MS4A14: variants seen among roughly 807,000 people sequenced by gnomAD.
MS4A14 encodes membrane-spanning 4-domains subfamily A member 14.
Under a neutral mutation model 16.7 loss-of-function variants are expected in MS4A14, and 18 were observed. The observed-to-expected ratio is 1.08, with a 90% CI of 0.75 to 1.60. MS4A14 has a LOEUF of 1.60. Among genes scored for constraint, MS4A14 ranks in the 40% most tolerant of loss-of-function variants. MS4A14 has a pLI of 0.00. For missense variants in MS4A14, 812 were observed against 775.3 expected, an observed-to-expected ratio of 1.05 and a Z score of -0.56; for synonymous variants, 305 against 289.4, an observed-to-expected ratio of 1.05 and a Z score of -0.55.
At chr11:60,400,307 G>T (rs2085692978) in intron 2 of MS4A14, 97 bp from the exon 3 acceptor site, 1 of 749,600 alleles carries the variant, frequency 1.3e-6, no homozygotes. Flanking sequence ...TGGTCTTGGA[G>T]ATTCACAAAC....
At chr11:60,404,343 G>A (rs1450450063) in intron 4 of MS4A14, among the ~76,000 whole-genome samples, 2 of 152,156 alleles carry the variant, frequency 1.3e-5, no homozygotes, top group East Asian at 1.9e-4. Flanking sequence ...AGAACAGTGG[G>A]CTTTAGATGT....
chr11:60,410,188 A>G (rs1391579312), intron 4 of MS4A14, among the ~76,000 whole-genome samples: 1 of 152,146 alleles, frequency 6.6e-6, no homozygotes, highest in Non-Finnish European at 1.5e-5. Flanking sequence ...ATGGGTGTGA[A>G]GTGGTATCTC....
chr11:60,397,882 G>A lies in MS4A14; in HGVS notation c.169G>A (p.Val57Met), dbSNP rs1375204775. The A allele has an allele frequency of 1.7e-5, 25 of 1,485,882 alleles. No individual in the cohort carries two copies. The highest frequency in any genetic ancestry group is 2.2e-5 in the Non-Finnish European group (25 of 1,119,414). The allele number at this position is 1,485,882 out of a possible 1,614,324, so 92.0% of individuals were successfully genotyped here. A position where few individuals can be genotyped will look rare whatever the true frequency, so the allele number is the denominator to read the frequency against. ...CCAGATCCTGCTTGCTCTAATCATTGTGGGCTTTGGAACTATATTTGCACT... is the reference window on the plus strand; with the variant it reads ...CCAGATCCTGCTTGCTCTAATCATTATGGGCTTTGGAACTATATTTGCACT... ...ATQILLALII[V>M]GFGTIFALNY... The change falls in exon 2 of 5, where the codon GTG becomes ATG. Residue 57 changes from valine (V) to methionine (M), a missense_variant. Physicochemically the swap from Val to Met is conservative, Grantham distance 21 (BLOSUM62 1). Coordinates refer to ENST00000300187, the MANE Select transcript of MS4A14 (RefSeq NM_032597.5).
intron 4 of MS4A14, among the ~76,000 whole-genome samples, chr11:60,409,284 T>G (rs2085832860): frequency 1.3e-5 from 2 of 152,114 alleles, no homozygotes; most frequent in Non-Finnish European, 2.9e-5. Flanking sequence ...GTCTAGAATT[T>G]TATACCCATT....
Position 60,396,704 on chromosome 11 carries a change from A to G in MS4A14, c.126A>G (p.Pro42=). The G allele has an allele frequency of 2.5e-6, 4 of 1,613,822 alleles. No homozygotes were observed. The highest frequency in any genetic ancestry group is 3.4e-6 in the Non-Finnish European group (4 of 1,179,848). ...SSLLDFLKGE[P]RVLGATQILL... ...TGCTGGATTTTCTGAAGGGAGAGCCAAGAGTCTTGGGGGTAAGTCCTCTCC... is the reference window on the plus strand; with the variant it reads ...TGCTGGATTTTCTGAAGGGAGAGCCGAGAGTCTTGGGGGTAAGTCCTCTCC... The change falls in exon 1 of 5, where the codon CCA becomes CCG. Residue 42 remains proline, a synonymous_variant. Coordinates refer to ENST00000300187, the MANE Select transcript of MS4A14 (RefSeq NM_032597.5).
At chr11:60,411,400 A>G (rs749404454) in intron 4 of MS4A14, among the ~76,000 whole-genome samples, 4 of 152,210 alleles carry the variant, frequency 2.6e-5, no homozygotes, top group Non-Finnish European at 5.9e-5. Context: ...ATACGTGAAC[A>G]CAAGATGTCT....
rs1380433426 is a variant in MS4A14 at position 60,416,233 on chromosome 11, C to T, written c.1265C>T (p.Ser422Phe). 6.2e-7 allele frequency: 1 copy of T among 1,613,996 alleles called. No individual in the cohort carries two copies. The stretch of plus-strand genomic sequence containing the variant: ...GCCATATTACCTGAAGCCTCAACAT[C>T]CCATATTGTGCAGTTCCCTGAAATA... The part of the protein sequence containing the change: ...AHAILPEAST[S>F]HIVQFPEIQH... Residue 422 changes from serine (S) to phenylalanine (F), a missense_variant, in exon 5 of 5, where the codon TCC becomes TTC. Transcript: ENST00000300187.
intron 2 of MS4A14, 191 bp downstream of exon 2, chr11:60,398,171 G>T (rs985675581): frequency 3.8e-5 from 19 of 493,682 alleles, no homozygotes; most frequent in African/African-American, 3.1e-4. Flanking sequence ...ACTACTCTCA[G>T]GTGCTTAAAA....
chr11:60,399,837 C>T (rs77881583), intron 2 of MS4A14, among the ~76,000 whole-genome samples: 2,672 of 152,138 alleles, frequency 0.018, 71 homozygotes, highest in African/African-American at 0.058. Flanking sequence ...CTCTAAGACC[C>T]AGATGTCCCC....
chr11:60,397,923 C>T lies in MS4A14; in HGVS notation c.210C>T (p.Phe70=), dbSNP rs1410594190. 6.2e-7 allele frequency: 1 copy of T among 1,613,556 alleles called. No individual in the cohort carries two copies. The highest frequency in any genetic ancestry group is 8.5e-7 in the Non-Finnish European group (1 of 1,179,576). The change falls in exon 2 of 5, where the codon TTC becomes TTT. Residue 70 remains phenylalanine (F), a synonymous_variant. Transcript: ENST00000300187. The part of the protein sequence containing the change: ...GTIFALNYIG[F]SQRLPLVVLT... The stretch of plus-strand genomic sequence containing the variant: ...TATTTGCACTTAATTACATCGGTTT[C>T]TCCCAAAGACTTCCCCTTGTTGTCC...
rs757710975 is a variant in MS4A14, at chr11:60,415,745, C to T, written c.777C>T (p.Pro259=). ...EPLPPTLEKK[P]SENMSIQLDS... Reference sequence around the variant, plus strand: ...TGCCTCCCACACTAGAGAAAAAGCCCTCAGAAAATATGTCCATTCAGCTAG... The same window carrying T: ...TGCCTCCCACACTAGAGAAAAAGCCTTCAGAAAATATGTCCATTCAGCTAG... The change falls in exon 5 of 5, where the codon CCC becomes CCT. Residue 259 remains proline (P), a synonymous_variant. Coordinates refer to ENST00000300187, the MANE Select transcript of MS4A14 (RefSeq NM_032597.5). 1 of 1,613,814 alleles carries T rather than the reference C, an allele frequency of 6.2e-7. No individual in the cohort carries two copies. Among genetic ancestry groups the T allele is most frequent in the South Asian group, 1.1e-5 (1 of 91,054 alleles).
intron 4 of MS4A14, among the ~76,000 whole-genome samples, chr11:60,407,223 G>A (rs571549371): frequency 1.4e-4 from 22 of 151,838 alleles, no homozygotes; most frequent in African/African-American, 3.6e-4. Context: ...GTTTTGCCAC[G>A]TTGCCCAGGC....
At position 60,416,114 on chromosome 11, in the gene MS4A14, C is replaced by G. The variant is rs1342708075; in HGVS notation, c.1146C>G (p.Ser382=). 2.5e-6 allele frequency: 4 copies of G among 1,609,266 alleles called. No homozygotes were observed. Among genetic ancestry groups the G allele is most frequent in the Non-Finnish European group, 3.4e-6 (4 of 1,177,680 alleles). ...ACATGACATCCCAAGATATGCAATCCCTAGATATGCTATCTCAAGACACAC... is the reference window on the plus strand; with the variant it reads ...ACATGACATCCCAAGATATGCAATCGCTAGATATGCTATCTCAAGACACAC... ...FHDMTSQDMQ[S]LDMLSQDTPS... Residue 382 remains serine, a synonymous_variant, in exon 5 of 5, where the codon TCC becomes TCG. Transcript: ENST00000300187.
chr11:60,403,935 C>T (rs763390359), intron 4 of MS4A14, among the ~76,000 whole-genome samples: 3 of 152,200 alleles, frequency 2.0e-5, no homozygotes, highest in Non-Finnish European at 2.9e-5. Context: ...CACAATCACT[C>T]AGTGAAATGG....
At chr11:60,412,326 AT>A (rs1286790622) in intron 4 of MS4A14, among the ~76,000 whole-genome samples, 2 of 150,854 alleles carry the variant, frequency 1.3e-5, no homozygotes, top group Non-Finnish European at 3.0e-5. Flanking sequence ...TTTTCTTTAA[AT>A]TTTGGTAGAA....
intron 2 of MS4A14, 91 bp downstream of exon 2, chr11:60,398,071 T>G: frequency 1.4e-6 from 2 of 1,439,550 alleles, no homozygotes. Context: ...TCCATAAATA[T>G]GGCCCTCCAG....
intron 3 of MS4A14, among the ~76,000 whole-genome samples, chr11:60,402,661 A>C (rs1454925639): frequency 6.6e-6 from 1 of 152,224 alleles, no homozygotes; most frequent in East Asian, 1.9e-4. Context: ...AAATGAGATA[A>C]AATGGGATAA....
rs554510522 is a variant in MS4A14, at chr11:60,417,194, C to A, written c.*186C>A. ...TCAAGACACTCAAGATAAAGACCAA[C>A]AAGACCTTCAATCCAGAGTTACACA... On this transcript the variant is annotated 3_prime_UTR_variant, in exon 5 of 5. Transcript: ENST00000300187. The A allele has an allele frequency of 6.3e-6, 4 of 631,604 alleles. No individual in the cohort carries two copies. In the South Asian group the frequency reaches 9.0e-5, roughly 14 times the overall value. 39.1% of individuals were successfully genotyped at this position (631,604 alleles called of 1,614,324 possible). A position where few individuals can be genotyped will look rare whatever the true frequency, so the allele number is the denominator to read the frequency against.
At chr11:60,400,263 C>T (rs902626113) in intron 2 of MS4A14, 141 bp from the exon 3 acceptor site, 8 of 548,664 alleles carry the variant, frequency 1.5e-5, no homozygotes, top group Non-Finnish European at 2.3e-5. Flanking sequence ...CGCCTACCTT[C>T]CCTACTCCCT....
Sources: allele counts gnomAD v4.1 joint callset (sites outside exome capture counted in the v4.1 genomes callset), GRCh38; gene constraint gnomAD v4.1.1; transcripts MANE v1.5; gene names NCBI Gene and HGNC (gene_info 2026-07-23, HGNC 2026-07-21).